CLIP1: variants seen among roughly 807,000 people sequenced by gnomAD.
CLIP1 encodes CAP-Gly domain-containing linker protein 1.
Under a neutral mutation model 161.6 loss-of-function variants are expected in CLIP1, and 66 were observed. The ratio of observed to expected loss-of-function variants is 0.41; its 90% CI spans 0.33 to 0.50. The LOEUF is 0.50. Ranked by LOEUF, CLIP1 falls within the 20% of genes least tolerant of loss-of-function variation. CLIP1 has a pLI of 0.27. For missense variants in CLIP1, 1,376 were observed against 1,702.0 expected (o/e 0.81, Z 3.37); for synonymous variants, 598 against 626.2 (o/e 0.96, Z 0.67).
intron 2 of CLIP1, among the ~76,000 whole-genome samples, chr12:122,378,392 GT>G (rs1954848234): frequency 6.6e-6 from 1 of 152,000 alleles, no homozygotes; most frequent in Non-Finnish European, 1.5e-5. Flanking sequence ...TCACCAAAGT[GT>G]TTTTGTTTGT....
intron 1 of CLIP1, among the ~76,000 whole-genome samples, chr12:122,403,398 C>T (rs1956204830): frequency 6.6e-6 from 1 of 151,378 alleles, no homozygotes; most frequent in Non-Finnish European, 1.5e-5. Context: ...AGAGACTGAG[C>T]TACCGATGAA....
At chr12:122,297,062 GA>G (rs34053572) in intron 20 of CLIP1, among the ~76,000 whole-genome samples, 1 of 147,856 alleles carries the variant, frequency 6.8e-6, no homozygotes, top group Non-Finnish European at 1.5e-5. Context: ...ATGTAAAGGG[GA>G]AAAAAGGGAG....
chr12:122,350,570 A>C (rs1399981469), intron 9 of CLIP1, among the ~76,000 whole-genome samples: 1 of 152,058 alleles, frequency 6.6e-6, no homozygotes, highest in East Asian at 1.9e-4. Context: ...AGAAGTTTAA[A>C]TGTCTCATCA....
At chr12:122,294,811 A>C (rs1455437489) in intron 20 of CLIP1, among the ~76,000 whole-genome samples, 5 of 152,098 alleles carry the variant, frequency 3.3e-5, no homozygotes, top group Admixed American at 2.6e-4. Flanking sequence ...GCACTTTGGG[A>C]GGCAAGGTAG....
At chr12:122,361,271 A>G in intron 4 of CLIP1, 90 bp from the exon 5 acceptor site, 2 of 1,103,414 alleles carry the variant, frequency 1.8e-6, no homozygotes, top group South Asian at 1.6e-5. Context: ...CTCCTAACTT[A>G]CGGTTGGATT....
intron 10 of CLIP1, 69 bp from the exon 11 acceptor site, chr12:122,341,766 T>C (rs961079384): frequency 1.9e-4 from 38 of 199,440 alleles, no homozygotes; most frequent in Admixed American, 1.2e-3. Flanking sequence ...TCTTTTCTTT[T>C]TTTTTTTTTT....
intron 1 of CLIP1, among the ~76,000 whole-genome samples, chr12:122,389,447 C>G (rs748212919): frequency 6.6e-4 from 101 of 152,156 alleles, no homozygotes; most frequent in Middle Eastern, 3.4e-3. Flanking sequence ...AACTATATGA[C>G]AGACATCTAA....
At position 122,288,436 on chromosome 12, in the gene CLIP1, G is replaced by A; in HGVS notation, c.3647+53C>T. ...TACTATAAGTTACCACACATATCATGTTCTGACATCTTATTAAACACACAC... is the reference window on the plus strand; with the variant it reads ...TACTATAAGTTACCACACATATCATATTCTGACATCTTATTAAACACACAC... On this transcript the variant is annotated intron_variant, in intron 21 of 25. Transcript: ENST00000620786. The A allele has an allele frequency of 7.5e-6, 11 of 1,472,464 alleles. No homozygotes were observed. The South Asian group carries it at 1.2e-4, about 16-fold the overall frequency. The allele number at this position is 1,472,464 out of a possible 1,614,324, so 91.2% of individuals were successfully genotyped here.
intron 15 of CLIP1, 136 bp downstream of exon 15, chr12:122,332,851 T>C: frequency 1.6e-6 from 1 of 644,676 alleles, no homozygotes; most frequent in Non-Finnish European, 2.6e-6. Flanking sequence ...AAGGACACAA[T>C]GAGGTAATAA....
At chr12:122,301,635 C>T (rs558806729) in intron 20 of CLIP1, among the ~76,000 whole-genome samples, 10 of 152,320 alleles carry the variant, frequency 6.6e-5, no homozygotes, top group South Asian at 2.1e-4. Context: ...GACTGCAGCA[C>T]TGCACTCCAG....
At chr12:122,299,058 G>T (rs1181054188) in intron 20 of CLIP1, among the ~76,000 whole-genome samples, 1 of 152,218 alleles carries the variant, frequency 6.6e-6, no homozygotes, top group Non-Finnish European at 1.5e-5. Context: ...GAGTGCACGT[G>T]TCACCTTAAT....
chr12:122,296,077 CAG>C (rs534344595), intron 20 of CLIP1, among the ~76,000 whole-genome samples: 23 of 152,290 alleles, frequency 1.5e-4, no homozygotes, highest in Middle Eastern at 3.4e-3. Flanking sequence ...GCCATTTATT[CAG>C]AGTGTTCAAT....
chr12:122,279,229 A>C lies in CLIP1; in HGVS notation c.3648-84T>G. 1 of 812,044 alleles carries C rather than the reference A, an allele frequency of 1.2e-6. No homozygotes were observed. The highest frequency in any genetic ancestry group is 1.9e-6 in the Non-Finnish European group (1 of 532,066). 50.3% of individuals were successfully genotyped at this position (812,044 alleles called of 1,614,324 possible). A position where few individuals can be genotyped will look rare whatever the true frequency, so the allele number is the denominator to read the frequency against. On this transcript the variant is annotated intron_variant, in intron 21 of 25. Coordinates refer to ENST00000620786, the MANE Select transcript of CLIP1 (RefSeq NM_001247997.2). This position sits in a 1 kb window ranked among gnomAD's most constrained non-coding sequence, Gnocchi z 4.5. ...ACTGTTCTAGAACAAACACATAATT[A>C]ATGTTAGTTAATGTAAAAAAAAAAA... is the stretch of plus-strand genomic sequence containing the variant.
intron 9 of CLIP1, among the ~76,000 whole-genome samples, chr12:122,350,851 C>T (rs1029524885): frequency 2.0e-5 from 3 of 151,810 alleles, no homozygotes; most frequent in African/African-American, 4.8e-5. Context: ...AACATTTTTC[C>T]CCCCTTTCTG....
At chr12:122,390,406 G>A (rs1282972689) in intron 1 of CLIP1, among the ~76,000 whole-genome samples, 1 of 149,290 alleles carries the variant, frequency 6.7e-6, no homozygotes, top group African/African-American at 2.5e-5. Context: ...CCACCTCCTG[G>A]GTTCAAACGA....
At chr12:122,312,269 T>G (rs1951086601) in intron 19 of CLIP1, among the ~76,000 whole-genome samples, 1 of 152,226 alleles carries the variant, frequency 6.6e-6, no homozygotes. Context: ...ACTTATGCCC[T>G]TTTTTCCCTA....
intron 20 of CLIP1, among the ~76,000 whole-genome samples, chr12:122,296,455 A>T (rs1410755355): frequency 6.6e-6 from 1 of 152,230 alleles, no homozygotes; most frequent in Non-Finnish European, 1.5e-5. Flanking sequence ...GCATTTGCAT[A>T]TGCTGGTATA....
upstream of CLIP1, chr12:122,422,715 C>CGCCA (rs1957001751): frequency 1.0e-5 from 1 of 95,306 alleles, no homozygotes; most frequent in African/African-American, 2.9e-5. Flanking sequence ...TCCGCCGCCG[C>CGCCA]GCCCGCCCGG....
chr12:122,336,024 C>T (rs1227995262), intron 12 of CLIP1, among the ~76,000 whole-genome samples: 3 of 151,826 alleles, frequency 2.0e-5, no homozygotes, highest in African/African-American at 4.8e-5. Context: ...TGTTTAAACT[C>T]GGGTTTTCAG....
Sources: allele counts gnomAD v4.1 joint callset (sites outside exome capture counted in the v4.1 genomes callset), GRCh38; gene constraint gnomAD v4.1.1; non-coding constraint Gnocchi (gnomAD v3.1); transcripts MANE v1.5; gene names NCBI Gene and HGNC (gene_info 2026-07-23, HGNC 2026-07-21).